NTM: variants seen among roughly 807,000 people sequenced by gnomAD.
NTM encodes neurotrimin.
NTM carries 13 observed loss-of-function variants against 42.1 expected under a neutral mutation model. The ratio of observed to expected loss-of-function variants is 0.31; its 90% CI spans 0.20 to 0.49. NTM has a LOEUF of 0.49. Among genes scored for constraint, NTM ranks in the 20% least tolerant of loss-of-function variants. The probability of loss-of-function intolerance (pLI) is 0.99; values close to 1 mark genes in which losing one functional copy is unlikely to be tolerated. For missense variants in NTM, 373 were observed against 452.8 expected (o/e 0.82, Z 1.60); for synonymous variants, 187 against 179.2 (o/e 1.04, Z -0.35).
At position 131,599,080 on chromosome 11, in the gene NTM, A is replaced by T. The variant is rs940871985; in HGVS notation, c.82+228192A>T. Among the ~76,000 whole-genome samples, 19 of 151,746 alleles carry T rather than the reference A, an allele frequency of 1.3e-4. No individual in the cohort carries two copies. The East Asian group carries it at 3.7e-3, about 30-fold the overall frequency. On this transcript the variant is annotated intron_variant, in intron 1 of 8. Coordinates refer to ENST00000683400, the MANE Select transcript of NTM (RefSeq NM_001352005.2). Reference sequence around the variant, plus strand: ...CAGGCGTGTGCCACCACGCCTGGCTAGTTTTTGTATTTGTAGTAGAGATGG... The same window carrying T: ...CAGGCGTGTGCCACCACGCCTGGCTTGTTTTTGTATTTGTAGTAGAGATGG...
chr11:131,791,333 T>G (rs1435868071), intron 1 of NTM, among the ~76,000 whole-genome samples: 3 of 152,250 alleles, frequency 2.0e-5, no homozygotes, highest in Non-Finnish European at 4.4e-5. Flanking sequence ...CAGTGTTATC[T>G]TTCTAAAGCC....
Position 131,761,566 on chromosome 11 carries a change from G to A in NTM, c.83-149998G>A, listed in dbSNP as rs1038321361. On this transcript the variant is annotated intron_variant, in intron 1 of 8. Transcript: ENST00000683400. Reference sequence around the variant, plus strand: ...CGCCTGTTATCCCTGCACTTTGGGCGGCTGAGGTGGGCAGATCACCTGAGG... The same window carrying A: ...CGCCTGTTATCCCTGCACTTTGGGCAGCTGAGGTGGGCAGATCACCTGAGG... Among the ~76,000 whole-genome samples, 10 of 152,170 alleles carry A rather than the reference G, an allele frequency of 6.6e-5. No homozygotes were observed. The East Asian group carries it at 1.4e-3, about 21-fold the overall frequency.
At chr11:131,913,635 CTT>C (rs1274403302) in intron 2 of NTM, among the ~76,000 whole-genome samples, 1 of 152,022 alleles carries the variant, frequency 6.6e-6, no homozygotes, top group Admixed American at 6.5e-5. Context: ...CCCCCTCTCT[CTT>C]TCAGCACTAA....
At chr11:132,229,579 C>T (rs772107695) in intron 4 of NTM, among the ~76,000 whole-genome samples, 80 of 152,210 alleles carry the variant, frequency 5.3e-4, no homozygotes, top group Non-Finnish European at 9.6e-4. Context: ...TGTCTATTAA[C>T]GGTATTTTAC....
intron 1 of NTM, among the ~76,000 whole-genome samples, chr11:131,638,275 C>T (rs571228034): frequency 4.9e-4 from 74 of 152,100 alleles, no homozygotes; most frequent in African/African-American, 1.5e-3. Context: ...TGAAAACATG[C>T]TAACAAGGAG....
At chr11:131,566,847 T>C (rs1364561411) in intron 1 of NTM, among the ~76,000 whole-genome samples, 1 of 152,204 alleles carries the variant, frequency 6.6e-6, no homozygotes, top group African/African-American at 2.4e-5. Flanking sequence ...AGCCTCTTGT[T>C]TGCAGATTAT....
chr11:131,491,500 C>T (rs1954785654), intron 1 of NTM, among the ~76,000 whole-genome samples: 1 of 151,956 alleles, frequency 6.6e-6, no homozygotes, highest in South Asian at 2.1e-4. Context: ...TTTGTAATTG[C>T]ATATTCTTTT....
intron 1 of NTM, among the ~76,000 whole-genome samples, chr11:131,570,652 G>A (rs1431747519): frequency 4.6e-5 from 7 of 152,072 alleles, no homozygotes; most frequent in Admixed American, 2.0e-4. Context: ...GTGAAACCTC[G>A]TCTCTAATAA....
intron 1 of NTM, among the ~76,000 whole-genome samples, chr11:131,759,640 G>C (rs1161965007): frequency 6.6e-6 from 1 of 151,008 alleles, no homozygotes; most frequent in Non-Finnish European, 1.5e-5. Flanking sequence ...GCTCTTCCGT[G>C]GGAAGCTAGT....
At chr11:132,288,463 T>C (rs1301176239) in intron 4 of NTM, among the ~76,000 whole-genome samples, 1 of 152,252 alleles carries the variant, frequency 6.6e-6, no homozygotes, top group Admixed American at 6.5e-5. Context: ...GAATGCATGT[T>C]TCTGTGCCTG....
At chr11:132,322,029 T>C (rs371133887) in intron 7 of NTM, among the ~76,000 whole-genome samples, 17 of 151,284 alleles carry the variant, frequency 1.1e-4, no homozygotes, top group East Asian at 1.9e-4. Flanking sequence ...CTGAAGGAAG[T>C]GCTAAACATG....
At chr11:132,323,680 T>G (rs1460747194) in intron 7 of NTM, among the ~76,000 whole-genome samples, 4 of 151,902 alleles carry the variant, frequency 2.6e-5, no homozygotes, top group Non-Finnish European at 4.4e-5. Context: ...ATTTTATGAG[T>G]CCAGCATCAT....
intron 1 of NTM, among the ~76,000 whole-genome samples, chr11:131,580,353 G>A (rs543816231): frequency 1.3e-5 from 2 of 152,278 alleles, no homozygotes; most frequent in East Asian, 3.9e-4. Context: ...GTATATGGCT[G>A]AGTTGTGATT....
At chr11:132,137,016 C>T (rs1033224414) in intron 2 of NTM, among the ~76,000 whole-genome samples, 1 of 152,216 alleles carries the variant, frequency 6.6e-6, no homozygotes, top group Non-Finnish European at 1.5e-5. Flanking sequence ...CTAATCTATA[C>T]TGTTCTTCCT....
intron 8 of NTM, among the ~76,000 whole-genome samples, chr11:132,333,188 A>T (rs1459069499): frequency 4.6e-5 from 7 of 152,058 alleles, no homozygotes; most frequent in African/African-American, 1.7e-4. Context: ...GAGGCAAAAC[A>T]TTCGACCTGG....
At chr11:131,392,421 G>A (rs973179175) in intron 1 of NTM, among the ~76,000 whole-genome samples, 1 of 151,912 alleles carries the variant, frequency 6.6e-6, no homozygotes, top group African/African-American at 2.4e-5. Flanking sequence ...GAAGGGATGG[G>A]AGTCCTCTGT....
At chr11:131,649,313 A>G (rs2066170981) in intron 1 of NTM, among the ~76,000 whole-genome samples, 1 of 152,232 alleles carries the variant, frequency 6.6e-6, no homozygotes, top group Non-Finnish European at 1.5e-5. Flanking sequence ...AAAGGGTAGA[A>G]AGGGCACCAT....
At chr11:131,401,845 TATATATATATATATA>T (rs1945269029) in intron 1 of NTM, among the ~76,000 whole-genome samples, 2 of 103,072 alleles carry the variant, frequency 1.9e-5, no homozygotes, top group Admixed American at 2.0e-4. Flanking sequence ...TATATATATA[TATATATATATATATA>T]TTTTAATTTA....
intron 3 of NTM, among the ~76,000 whole-genome samples, chr11:132,180,974 A>T (rs7101483): frequency 0.39 from 59,507 of 152,018 alleles, 12,752 homozygotes; most frequent in Non-Finnish European, 0.48. Flanking sequence ...AAAGTCAATA[A>T]ATTTAGGCTA....
Sources: allele counts gnomAD v4.1 joint callset (sites outside exome capture counted in the v4.1 genomes callset), GRCh38; gene constraint gnomAD v4.1.1; transcripts MANE v1.5; gene names NCBI Gene and HGNC (gene_info 2026-07-23, HGNC 2026-07-21).